DENND1A: variants seen among roughly 807,000 people sequenced by gnomAD.
The protein encoded by DENND1A is DENN domain containing 1A, also known as DENN domain-containing protein 1A.
Under a neutral mutation model 113.7 loss-of-function variants are expected in DENND1A, and 51 were observed. The observed-to-expected ratio is 0.45, with a 90% CI of 0.36 to 0.57. DENND1A has a LOEUF of 0.57. Among genes scored for constraint, DENND1A ranks in the 20% least tolerant of loss-of-function variants. The pLI is 0.00. For synonymous variants in DENND1A, 565 were observed against 570.8 expected, an observed-to-expected ratio of 0.99 and a Z score of 0.14; for missense variants, 1,258 against 1,395.9, an observed-to-expected ratio of 0.90 and a Z score of 1.57.
chr9:123,728,628 G>A (rs146837458), intron 5 of DENND1A, among the ~76,000 whole-genome samples: 98 of 151,908 alleles, frequency 6.5e-4, no homozygotes, highest in African/African-American at 2.3e-3. Flanking sequence ...CAAAATTTAT[G>A]TGGAAAAGCA....
At chr9:123,673,097 A>G (rs2063845554) in intron 6 of DENND1A, among the ~76,000 whole-genome samples, 1 of 152,198 alleles carries the variant, frequency 6.6e-6, no homozygotes, top group African/African-American at 2.4e-5. Flanking sequence ...TCAATTGTCT[A>G]ATGTTTTGTC....
intron 19 of DENND1A, among the ~76,000 whole-genome samples, chr9:123,430,072 T>C (rs565023674): frequency 6.6e-6 from 1 of 152,146 alleles, no homozygotes; most frequent in South Asian, 2.1e-4. Flanking sequence ...ACGTGGCCAA[T>C]GAACATATGA....
chr9:123,612,266 C>T (rs1380073905), intron 10 of DENND1A, among the ~76,000 whole-genome samples: 1 of 152,198 alleles, frequency 6.6e-6, no homozygotes. Flanking sequence ...CTGAACATCT[C>T]AATGTGGTAC....
intron 10 of DENND1A, among the ~76,000 whole-genome samples, chr9:123,620,213 CAAAAAAAAAAAAA>C (rs34196587): frequency 3.4e-5 from 2 of 59,052 alleles, no homozygotes; most frequent in Non-Finnish European, 5.6e-5. Context: ...GACTCCATCT[CAAAAAAAAAAAAA>C]AAAAAAAAAA....
At chr9:123,745,493 G>C (rs2069415474) in intron 5 of DENND1A, among the ~76,000 whole-genome samples, 2 of 152,224 alleles carry the variant, frequency 1.3e-5, no homozygotes, top group Admixed American at 1.3e-4. Flanking sequence ...GCAGAAAATG[G>C]TGAAACCACT....
intron 5 of DENND1A, among the ~76,000 whole-genome samples, chr9:123,722,635 G>A (rs1015544275): frequency 1.3e-5 from 2 of 152,218 alleles, no homozygotes; most frequent in African/African-American, 4.8e-5. Context: ...AGGGTCCAAA[G>A]TACAGCTCAG....
chr9:123,826,131 C>G (rs1839293057), intron 2 of DENND1A, among the ~76,000 whole-genome samples: 1 of 152,170 alleles, frequency 6.6e-6, no homozygotes, highest in African/African-American at 2.4e-5. Flanking sequence ...TTTCTTCAGG[C>G]AGCATAAGCT....
chr9:123,866,131 A>G lies in DENND1A; in HGVS notation c.88+12820T>C, dbSNP rs1450182702. On this transcript the variant is annotated intron_variant, in intron 2 of 23. Transcript: ENST00000394215. ...GCTTTATGTTCAAGAAGTCAATTCT[A>G]TCATTCTGAGTATCAGGATCATTAC... 2.0e-5 allele frequency among the ~76,000 whole-genome samples: 3 copies of G among 152,260 alleles called. No homozygotes were observed. The East Asian group carries it at 5.8e-4, about 29-fold the overall frequency.
rs766156667 is a variant in DENND1A at position 123,382,071 on chromosome 9, G to A, written c.2574C>T (p.Thr858=). 29 of 1,515,734 alleles carry A rather than the reference G, an allele frequency of 1.9e-5. No individual in the cohort carries two copies. The South Asian group carries it at 3.6e-4, about 19-fold the overall frequency. 93.9% of individuals were successfully genotyped at this position (1,515,734 alleles called of 1,614,324 possible). ...DPLSTAWSGS[T]LPSRPATPNV... is the part of the protein sequence containing the mutation. ...TCGGGGTGGCGGGGCGTGACGGGAG[G>A]GTGCTGCCTGACCAGGCTGTGCTGA... is the stretch of plus-strand genomic sequence containing the variant. Residue 858 remains threonine, a synonymous_variant, in exon 24 of 24, where the codon ACC becomes ACT. Coordinates refer to ENST00000394215, the MANE Select transcript of DENND1A (RefSeq NM_001352964.2).
chr9:123,653,628 G>T (rs569207206), intron 8 of DENND1A, among the ~76,000 whole-genome samples: 1 of 152,188 alleles, frequency 6.6e-6, no homozygotes. Context: ...GTAAGTGGAT[G>T]TGACATGATT....
chr9:123,856,894 C>T (rs76390736), intron 2 of DENND1A, among the ~76,000 whole-genome samples: 3,931 of 152,026 alleles, frequency 0.026, 54 homozygotes, highest in Middle Eastern at 0.044. Flanking sequence ...GGGAACCAGG[C>T]TTCTCACAGT....
chr9:123,835,394 A>G (rs1840901659), intron 2 of DENND1A, among the ~76,000 whole-genome samples: 1 of 152,140 alleles, frequency 6.6e-6, no homozygotes, highest in African/African-American at 2.4e-5. Context: ...CAGCAAAATG[A>G]TAAAAGGCGG....
Position 123,383,756 on chromosome 9 carries a change from C to T in DENND1A, c.1918G>A (p.Asp640Asn), listed in dbSNP as rs201498321. ...DLLEDVFSNL[D>N]MEAALQPLGQ... ...AGTGGCTGCAGTGCGGCCTCCATGTCCAGGTTGCTGAAGACGTCTTCCAGA... is the reference window on the plus strand; with the variant it reads ...AGTGGCTGCAGTGCGGCCTCCATGTTCAGGTTGCTGAAGACGTCTTCCAGA... The change falls in exon 23 of 24, where the codon GAC becomes AAC. Residue 640 changes from aspartate (D) to asparagine (N), a missense_variant. Asp to Asn is a conservative substitution (Grantham distance 23). Coordinates refer to ENST00000394215, the MANE Select transcript of DENND1A (RefSeq NM_001352964.2). 6.2e-7 allele frequency: 1 copy of T among 1,614,138 alleles called. No individual in the cohort carries two copies. The highest frequency in any genetic ancestry group is 2.2e-5 in the East Asian group (1 of 44,882).
intron 9 of DENND1A, among the ~76,000 whole-genome samples, chr9:123,641,040 C>G (rs570008852): frequency 6.6e-6 from 1 of 152,174 alleles, no homozygotes; most frequent in Admixed American, 6.5e-5. Context: ...GAATGTGCTC[C>G]GTGTCTGCAC....
intron 2 of DENND1A, among the ~76,000 whole-genome samples, chr9:123,870,138 T>C (rs941462114): frequency 1.3e-5 from 2 of 151,766 alleles, no homozygotes; most frequent in African/African-American, 2.4e-5. Flanking sequence ...CAGACAAATA[T>C]AAGAATCCCT....
At position 123,662,380 on chromosome 9, in the gene DENND1A, G is replaced by A. The variant is rs2063285470; in HGVS notation, c.507+4646C>T. ...AGTTCAAGACCAGCCTGGCCAACAT[G>A]GTGAAACCCCATCTGTACTAAAATG... On this transcript the variant is annotated intron_variant, in intron 8 of 23. Transcript: ENST00000394215. Among the ~76,000 whole-genome samples, 3 of 152,158 alleles carry A rather than the reference G, an allele frequency of 2.0e-5. No homozygotes were observed. The South Asian group carries it at 6.2e-4, about 32-fold the overall frequency.
chr9:123,758,446 T>C (rs1423579700), intron 4 of DENND1A, among the ~76,000 whole-genome samples: 2 of 152,186 alleles, frequency 1.3e-5, no homozygotes, highest in South Asian at 2.1e-4. Context: ...AGGACCAGAA[T>C]ACATCCTTAG....
chr9:123,586,952 T>C (rs1448656367), intron 11 of DENND1A, among the ~76,000 whole-genome samples: 1 of 152,048 alleles, frequency 6.6e-6, no homozygotes, highest in South Asian at 2.1e-4. Context: ...CACAGTCTTA[T>C]TGCGGGATCT....
intron 19 of DENND1A, chr9:123,414,544 A>C: frequency 6.5e-7 from 1 of 1,549,920 alleles, no homozygotes; most frequent in Non-Finnish European, 8.7e-7. Context: ...GGCAAATCTG[A>C]GAAATGCTGT....
Sources: gnomAD v4.1 joint callset for allele counts (sites outside exome capture counted in the v4.1 genomes callset) on GRCh38, gnomAD v4.1.1 for gene constraint, MANE v1.5 for transcripts, NCBI Gene and HGNC (gene_info 2026-07-23, HGNC 2026-07-21) for gene names.